Variants in ANKRD30B observed in about 807,000 individuals in gnomAD.
ANKRD30B encodes the protein ankyrin repeat domain 30B.
A neutral mutation model predicts 202.2 loss-of-function variants in ANKRD30B; 144 were observed. The ratio of observed to expected loss-of-function variants is 0.71; its 90% CI spans 0.62 to 0.82. ANKRD30B has a LOEUF of 0.82. Among genes scored for constraint, ANKRD30B ranks in the 40% least tolerant of loss-of-function variants. The pLI is 0.00. For synonymous variants in ANKRD30B, 508 were observed against 561.3 expected (o/e 0.91, Z 1.34); for missense variants, 1,487 against 1,669.1 (o/e 0.89, Z 1.90).
chr18:14,851,925 T>A lies in ANKRD30B; in HGVS notation c.3981T>A (p.Asp1327Glu), dbSNP rs1461615677. ...NQELAFHSAG[D>E]APLQGIMNVD... ...AACTTGCTTTCCACAGTGCAGGAGA[T>A]GCTCCTTTGCAAGGAATAATGAATG... The change falls in exon 42 of 44, where the codon GAT becomes GAA. Residue 1327 changes from aspartate (D) to glutamate (E), a missense_variant. Around this residue, in one of 6 missense-constraint regions of ANKRD30B, gnomAD observed 182 missense variants for 216.0 expected, o/e 0.84. Transcript: ENST00000690538. 6.2e-7 allele frequency: 1 copy of A among 1,604,954 alleles called. No individual in the cohort carries two copies. Among genetic ancestry groups the A allele is most frequent in the South Asian group, 1.1e-5 (1 of 90,158 alleles).
chr18:14,915,610 C>T, the ANKRD30B span: 1 of 152,162 alleles, frequency 6.6e-6, no homozygotes, highest in East Asian at 1.9e-4. Flanking sequence ...GAGTATCGTC[C>T]TCATCAACCA....
downstream of ANKRD30B, among the ~76,000 whole-genome samples, chr18:14,856,575 CG>C (rs779352073): frequency 0.15 from 10,584 of 71,874 alleles, 10 homozygotes; most frequent in African/African-American, 0.17. Context: ...CCAGATGGGG[CG>C]GCCGGGCAGA....
chr18:14,809,003 C>A (rs1301897745), intron 26 of ANKRD30B, among the ~76,000 whole-genome samples: 2 of 150,604 alleles, frequency 1.3e-5, no homozygotes, highest in African/African-American at 4.9e-5. Context: ...GTCTTTGTTC[C>A]CAGGTGGATC....
chr18:14,797,566 C>T, intron 18 of ANKRD30B, 95 bp from the exon 19 acceptor site: 1 of 1,350,024 alleles, frequency 7.4e-7, no homozygotes, highest in Non-Finnish European at 1.1e-6. Context: ...CCAATCCAAG[C>T]ATGAGGATTC....
chr18:14,841,405 AG>A (rs1259166644), intron 37 of ANKRD30B, among the ~76,000 whole-genome samples: 1 of 152,182 alleles, frequency 6.6e-6, no homozygotes, highest in Non-Finnish European at 1.5e-5. Flanking sequence ...TTAAGTAGCA[AG>A]GGAACAGCCT....
chr18:14,804,581 C>G (rs1365378956), intron 24 of ANKRD30B, among the ~76,000 whole-genome samples: 2 of 150,482 alleles, frequency 1.3e-5, no homozygotes, highest in Non-Finnish European at 3.0e-5. Context: ...CTCTGAGTAG[C>G]AAGATGAGAG....
chr18:14,775,329 A>G (rs1967291684), intron 9 of ANKRD30B, among the ~76,000 whole-genome samples: 1 of 152,226 alleles, frequency 6.6e-6, no homozygotes, highest in African/African-American at 2.4e-5. Context: ...TTGTTTGTCT[A>G]AAAACTAAAT....
chr18:14,763,651 A>G (rs1176156906), intron 6 of ANKRD30B, 35 bp from the exon 7 acceptor site: 92 of 1,605,724 alleles, frequency 5.7e-5, no homozygotes, highest in Non-Finnish European at 7.4e-5. Flanking sequence ...ATATTTAAGC[A>G]GAAAGAAAAT....
chr18:14,779,799 T>C (rs1598606446), intron 10 of ANKRD30B, among the ~76,000 whole-genome samples, 161 bp from the exon 11 acceptor site: 1 of 152,236 alleles, frequency 6.6e-6, no homozygotes, highest in East Asian at 1.9e-4. Flanking sequence ...AAGATTGTAG[T>C]TCTAACCAAT....
At chr18:14,870,340 T>C in the ANKRD30B span, among the ~76,000 whole-genome samples, 1 of 152,222 alleles carries the variant, frequency 6.6e-6, no homozygotes, top group African/African-American at 2.4e-5. Context: ...CAAGGTTTGC[T>C]GGGGGCCTCC....
At chr18:14,922,163 G>T in the ANKRD30B span, among the ~76,000 whole-genome samples, 1 of 152,128 alleles carries the variant, frequency 6.6e-6, no homozygotes, top group Non-Finnish European at 1.5e-5. Flanking sequence ...AGTGGAGATT[G>T]GGGACTTTGC....
At chr18:14,936,661 A>T in the ANKRD30B span, among the ~76,000 whole-genome samples, 1 of 152,176 alleles carries the variant, frequency 6.6e-6, no homozygotes, top group African/African-American at 2.4e-5. Flanking sequence ...AGACAATAAG[A>T]AACAACCTCT....
chr18:14,753,098 C>T, intron 3 of ANKRD30B, 86 bp downstream of exon 3: 1 of 1,057,884 alleles, frequency 9.5e-7, no homozygotes, highest in Non-Finnish European at 1.3e-6. Context: ...TATTTGGAAA[C>T]ACAAACATTC....
chr18:14,811,514 A>G (rs888231272), intron 28 of ANKRD30B, among the ~76,000 whole-genome samples: 6 of 149,716 alleles, frequency 4.0e-5, no homozygotes, highest in Non-Finnish European at 8.9e-5. Context: ...CCCGGCCCAG[A>G]GTCTTTTTAC....
chr18:14,817,120 T>C (rs1970155823), intron 30 of ANKRD30B: 1 of 152,228 alleles, frequency 6.6e-6, no homozygotes, highest in Admixed American at 6.5e-5. Context: ...TACTTTGCAC[T>C]ACGTTTAATT....
the ANKRD30B span, among the ~76,000 whole-genome samples, chr18:14,917,169 T>A: frequency 6.6e-6 from 1 of 152,172 alleles, no homozygotes; most frequent in African/African-American, 2.4e-5. Flanking sequence ...CTGCAGGCTA[T>A]TATGCATGTC....
At chr18:14,808,372 G>A in intron 24 of ANKRD30B, 179 bp from the exon 25 acceptor site, 3 of 676,226 alleles carry the variant, frequency 4.4e-6, no homozygotes, top group Non-Finnish European at 5.4e-6. Context: ...ATTTTCTTAA[G>A]TATATTTCTG....
At chr18:14,887,621 G>T in the ANKRD30B span, among the ~76,000 whole-genome samples, 18 of 151,764 alleles carry the variant, frequency 1.2e-4, no homozygotes, top group Non-Finnish European at 2.9e-5. Flanking sequence ...AGTGCTGTGT[G>T]CTAGACTTAG....
intron 5 of ANKRD30B, among the ~76,000 whole-genome samples, chr18:14,758,607 T>C (rs1406724539): frequency 6.6e-6 from 1 of 152,210 alleles, no homozygotes; most frequent in Non-Finnish European, 1.5e-5. Flanking sequence ...AGCACCCTGC[T>C]CTGGCAGCTA....
Sources: gnomAD v4.1 joint callset for allele counts (sites outside exome capture counted in the v4.1 genomes callset) on GRCh38, gnomAD v4.1.1 for gene constraint, gnomAD v4.1.1 regional missense constraint, MANE v1.5 for transcripts, NCBI Gene and HGNC (gene_info 2026-07-23, HGNC 2026-07-21) for gene names.